Variants in ABCA13 observed in about 807,000 individuals in gnomAD.
ABCA13 encodes ATP-binding cassette sub-family A member 13.
In ABCA13, 476 loss-of-function variants were observed where a neutral mutation model predicts 478.7. The ratio of observed to expected loss-of-function variants is 0.99; its 90% confidence interval spans 0.92 to 1.07. The LOEUF is 1.07. ABCA13 is among the 50% of genes least tolerant of loss of function. The pLI is 0.00. For missense variants in ABCA13, 6,060 were observed against 5,910.6 expected, an observed-to-expected ratio of 1.03 and a Z score of -0.83; for synonymous variants, 2,252 against 2,158.9, an observed-to-expected ratio of 1.04 and a Z score of -1.20.
At chr7:48,346,465 A>G (rs944133936) in intron 29 of ABCA13, among the ~76,000 whole-genome samples, 5 of 151,926 alleles carry the variant, frequency 3.3e-5, no homozygotes, top group African/African-American at 9.7e-5. Context: ...AAATGTCTCC[A>G]GTTTGCCCTA....
At chr7:48,280,054 C>A in intron 18 of ABCA13, 134 bp downstream of exon 18, 1 of 975,098 alleles carries the variant, frequency 1.0e-6, no homozygotes, top group Non-Finnish European at 1.4e-6. Flanking sequence ...CTGAAGTTGG[C>A]TTCAACATAG....
chr7:48,365,548 G>C (rs2129012802), intron 31 of ABCA13, among the ~76,000 whole-genome samples: 1 of 152,202 alleles, frequency 6.6e-6, no homozygotes, highest in Middle Eastern at 3.4e-3. Context: ...TTATTGTTTT[G>C]AGCTTTACAT....
At chr7:48,392,202 A>G (rs1351867485) in intron 38 of ABCA13, 63 bp downstream of exon 38, 15 of 1,471,156 alleles carry the variant, frequency 1.0e-5, no homozygotes, top group African/African-American at 8.4e-5. Context: ...AAGTGAAGAC[A>G]ATAGAAAGAG....
intron 33 of ABCA13, 29 bp downstream of exon 33, chr7:48,372,526 A>C: frequency 6.7e-7 from 1 of 1,503,396 alleles, no homozygotes. Context: ...AAAAAAAAAA[A>C]AAAAAAACAA....
intron 55 of ABCA13, among the ~76,000 whole-genome samples, chr7:48,533,890 A>G (rs1833401599): frequency 2.6e-5 from 4 of 151,802 alleles, no homozygotes; most frequent in African/African-American, 7.3e-5. Context: ...GTGTATCCTT[A>G]TGTGTTAGAT....
At chr7:48,317,333 A>G (rs372339834) in intron 27 of ABCA13, 37 bp downstream of exon 27, 9 of 1,578,142 alleles carry the variant, frequency 5.7e-6, no homozygotes, top group South Asian at 1.2e-5. Context: ...TAGACCATAC[A>G]TACACTAAAT....
At chr7:48,394,943 A>C (rs962868588) in intron 38 of ABCA13, among the ~76,000 whole-genome samples, 1 of 152,112 alleles carries the variant, frequency 6.6e-6, no homozygotes, top group African/African-American at 2.4e-5. Flanking sequence ...CCTTGGTTGT[A>C]TGGTGAAGGG....
At position 48,206,993 on chromosome 7, in the gene ABCA13, A is replaced by T. The variant is rs191848751; in HGVS notation, c.287+8633A>T. 4.6e-5 allele frequency among the ~76,000 whole-genome samples: 7 copies of T among 152,236 alleles called. No individual in the cohort carries two copies. The East Asian group carries it at 1.3e-3, about 29-fold the overall frequency. On this transcript the variant is annotated intron_variant, in intron 3 of 61. Coordinates refer to ENST00000435803, the MANE Select transcript of ABCA13 (RefSeq NM_152701.5). The stretch of plus-strand genomic sequence containing the variant: ...CCACTACCCTTCTCAGCCTCTGGTA[A>T]CTATCATTCTACTCTCTGTCTCTAT...
At position 48,481,059 on chromosome 7, in the gene ABCA13, T is replaced by C; in HGVS notation, c.12999T>C (p.Ser4333=). 6.3e-7 allele frequency: 1 copy of C among 1,599,670 alleles called. No individual in the cohort carries two copies. The highest frequency in any genetic ancestry group is 8.5e-7 in the Non-Finnish European group (1 of 1,172,740). ...GCLKCPNRSA[S]APYLTNHLGH... ...AGAAGTGTCCAAATAGAAGTGCTAG[T>C]GCTCCCTACCTGACCAACCACCTGG... The change falls in exon 46 of 62, where the codon AGT becomes AGC. Residue 4333 remains serine, a synonymous_variant. Transcript: ENST00000435803.
In ABCA13 at chr7:48,179,714, C is replaced by T. The variant is rs184960958; in HGVS notation, c.69+8162C>T. The stretch of plus-strand genomic sequence containing the variant: ...GATGTCAGAATGATGAGTGTCAGCT[C>T]ACAGGGCCTGCTACGAAAGATCCCA... On this transcript the variant is annotated intron_variant, in intron 1 of 61. Transcript: ENST00000435803. Among the ~76,000 whole-genome samples the T allele has an allele frequency of 2.6e-5, 4 of 152,286 alleles. No individual in the cohort carries two copies. In the East Asian group the frequency reaches 5.8e-4, roughly 22 times the overall value.
chr7:48,182,369 A>T (rs941372051), intron 1 of ABCA13, among the ~76,000 whole-genome samples: 4 of 152,162 alleles, frequency 2.6e-5, no homozygotes, highest in African/African-American at 9.7e-5. Flanking sequence ...ATCAAATGAG[A>T]ATCTTTGGGT....
chr7:48,647,170 T>A lies in ABCA13; in HGVS notation c.*1658T>A, dbSNP rs889046401. On this transcript the variant is annotated 3_prime_UTR_variant, in exon 62 of 62. Coordinates refer to ENST00000435803, the MANE Select transcript of ABCA13 (RefSeq NM_152701.5). ...CAAAGGCATATACTTCCTTATGAGA[T>A]TTCTTTACTAAAGCAAGATTTCATT... 15 of 152,206 alleles carry A rather than the reference T, an allele frequency of 9.9e-5. No homozygotes were observed. The highest frequency in any genetic ancestry group is 1.8e-4 in the Non-Finnish European group (12 of 68,030). The allele number at this position is 152,206 out of a possible 1,614,324, so 9.4% of individuals were successfully genotyped here.
At chr7:48,401,915 A>G (rs189898601) in intron 38 of ABCA13, among the ~76,000 whole-genome samples, 1 of 152,324 alleles carries the variant, frequency 6.6e-6, no homozygotes, top group Non-Finnish European at 1.5e-5. Context: ...CCAGTTGCAT[A>G]AGATATAATA....
chr7:48,545,196 A>G (rs1379568852), intron 55 of ABCA13, among the ~76,000 whole-genome samples: 1 of 151,930 alleles, frequency 6.6e-6, no homozygotes, highest in Non-Finnish European at 1.5e-5. Flanking sequence ...GTGGAGAAGC[A>G]TTGAACTGAA....
At chr7:48,255,183 G>A (rs901833211) in intron 15 of ABCA13, among the ~76,000 whole-genome samples, 4 of 152,178 alleles carry the variant, frequency 2.6e-5, no homozygotes, top group Non-Finnish European at 5.9e-5. Flanking sequence ...GAGAAAGGCT[G>A]TGCCTGTGAC....
At chr7:48,191,965 G>A (rs1411465024) in intron 1 of ABCA13, among the ~76,000 whole-genome samples, 1 of 152,190 alleles carries the variant, frequency 6.6e-6, no homozygotes, top group Non-Finnish European at 1.5e-5. Context: ...GTTTGATGGA[G>A]CATTCTTAGC....
chr7:48,452,337 G>A (rs1048500305), intron 42 of ABCA13, among the ~76,000 whole-genome samples: 4 of 152,118 alleles, frequency 2.6e-5, no homozygotes, highest in Non-Finnish European at 4.4e-5. Flanking sequence ...GAATCCACAC[G>A]ATATGTTGGT....
In ABCA13 at chr7:48,310,086, A is replaced by G. The variant is rs1048730011; in HGVS notation, c.9461A>G (p.Tyr3154Cys). The G allele has an allele frequency of 4.3e-6, 7 of 1,613,724 alleles. No individual in the cohort carries two copies. In the African/African-American group the frequency reaches 5.3e-5, roughly 12 times the overall value. ...TGTAGCCTGCCAGGGTCAAAAGTGT[A>G]TTCTCTGATTGTGTTGCTGAGTCGA... is the stretch of plus-strand genomic sequence containing the variant. ...ELCSLPGSKVYSLIVLLSRNL... is the reference protein window; with the variant it reads ...ELCSLPGSKVCSLIVLLSRNL... Residue 3154 changes from tyrosine to cysteine, a missense_variant, in exon 24 of 62, where the codon TAT (tyrosine) becomes TGT (cysteine). This residue lies in a region of ABCA13 where 4,423 missense variants were observed against 4,309.1 expected (regional missense o/e 1.03). Coordinates refer to ENST00000435803, the MANE Select transcript of ABCA13 (RefSeq NM_152701.5).
chr7:48,616,300 C>T (rs1484396829), intron 59 of ABCA13, among the ~76,000 whole-genome samples: 2 of 152,086 alleles, frequency 1.3e-5, no homozygotes, highest in Admixed American at 6.5e-5. Flanking sequence ...TGGTCAGCCT[C>T]ACAGTTGCTT....
Sources: gnomAD v4.1 joint callset for allele counts (sites outside exome capture counted in the v4.1 genomes callset) on GRCh38, gnomAD v4.1.1 for gene constraint, gnomAD v4.1.1 regional missense constraint, MANE v1.5 for transcripts, NCBI Gene and HGNC (gene_info 2026-07-23, HGNC 2026-07-21) for gene names.